The following SPTLC3 variants were observed in gnomAD, a reference collection of about 807,000 sequenced individuals.
SPTLC3 encodes serine palmitoyltransferase long chain base subunit 3.
A neutral mutation model predicts 59.3 loss-of-function variants in SPTLC3; 36 were observed. The observed-to-expected ratio is 0.61, with a 90% CI of 0.47 to 0.80. SPTLC3 has a LOEUF of 0.80. Among genes scored for constraint, SPTLC3 ranks in the 30% least tolerant of loss-of-function variants. SPTLC3 has a pLI of 0.00. For synonymous variants in SPTLC3, 257 were observed against 240.8 expected (o/e 1.07, Z -0.62); for missense variants, 625 against 685.1 (o/e 0.91, Z 0.98).
At chr20:13,103,439 G>A (rs1298452164) in intron 6 of SPTLC3, among the ~76,000 whole-genome samples, 1 of 152,130 alleles carries the variant, frequency 6.6e-6, no homozygotes, top group African/African-American at 2.4e-5. Flanking sequence ...GGGGGGTAAG[G>A]GACTAGGAAC....
At chr20:13,153,552 A>G (rs2038697619) in intron 9 of SPTLC3, among the ~76,000 whole-genome samples, 1 of 152,174 alleles carries the variant, frequency 6.6e-6, no homozygotes, top group Admixed American at 6.5e-5. Flanking sequence ...TTAGAGATTT[A>G]AATGAGGGAC....
chr20:13,026,261 G>A (rs113978170), intron 1 of SPTLC3, among the ~76,000 whole-genome samples: 7,350 of 152,236 alleles, frequency 0.048, 223 homozygotes, highest in South Asian at 0.084. Context: ...GGATTGCTGC[G>A]TTGAGTGGTA....
intron 9 of SPTLC3, among the ~76,000 whole-genome samples, chr20:13,151,433 G>C (rs2038645421): frequency 6.6e-6 from 1 of 152,226 alleles, no homozygotes; most frequent in Admixed American, 6.5e-5. Flanking sequence ...TAGAGGGGCT[G>C]AGATGTCAGC....
intron 1 of SPTLC3, among the ~76,000 whole-genome samples, chr20:13,035,110 C>T (rs6109661): frequency 0.13 from 19,990 of 152,072 alleles, 1,299 homozygotes; most frequent in South Asian, 0.17. Flanking sequence ...GTTCTCACAG[C>T]TGTTCCCTGA....
intron 9 of SPTLC3, among the ~76,000 whole-genome samples, chr20:13,141,961 T>A (rs959361460): frequency 6.6e-6 from 1 of 152,200 alleles, no homozygotes; most frequent in Non-Finnish European, 1.5e-5. Flanking sequence ...CTTACCTACA[T>A]GTGTGACAAC....
chr20:13,080,464 C>T lies in SPTLC3; in HGVS notation c.607+5967C>T, dbSNP rs562047735. 1.5e-3 allele frequency among the ~76,000 whole-genome samples: 221 copies of T among 144,198 alleles called. 1 individual carries two copies. Among genetic ancestry groups the T allele is most frequent in the Non-Finnish European group, 1.8e-3 (122 of 67,062 alleles). The allele number at this position is 144,198 out of a possible 152,430, so 94.6% of individuals were successfully genotyped here. ...CAGAGGTTGCAGTGAGCCGAGATTG[C>T]GCCACTGTACTCCAGCCTCATGACC... On this transcript the variant is annotated intron_variant, in intron 4 of 11. Coordinates refer to ENST00000399002, the MANE Select transcript of SPTLC3 (RefSeq NM_018327.4).
chr20:13,098,266 C>A (rs1989490398), intron 6 of SPTLC3, among the ~76,000 whole-genome samples: 1 of 152,076 alleles, frequency 6.6e-6, no homozygotes, highest in Admixed American at 6.6e-5. Context: ...GGGGTAAAGA[C>A]CATGATATAT....
intron 1 of SPTLC3, among the ~76,000 whole-genome samples, chr20:13,035,215 A>C (rs1488885164): frequency 2.6e-5 from 4 of 152,166 alleles, no homozygotes; most frequent in African/African-American, 9.7e-5. Flanking sequence ...ACTCAATGAG[A>C]CTTGGTTTAG....
At chr20:13,016,046 C>A (rs969478307) in intron 1 of SPTLC3, among the ~76,000 whole-genome samples, 1 of 151,554 alleles carries the variant, frequency 6.6e-6, no homozygotes, top group Non-Finnish European at 1.5e-5. Flanking sequence ...TCATAAAATG[C>A]AATTTTCTGA....
At chr20:13,022,612 G>T (rs149288488) in intron 1 of SPTLC3, among the ~76,000 whole-genome samples, 1 of 152,114 alleles carries the variant, frequency 6.6e-6, no homozygotes, top group East Asian at 1.9e-4. Flanking sequence ...AGGCCAAAGG[G>T]TGAGACAAGC....
At chr20:13,149,691 G>C (rs1005814280) in intron 9 of SPTLC3, among the ~76,000 whole-genome samples, 1 of 152,196 alleles carries the variant, frequency 6.6e-6, no homozygotes, top group Admixed American at 6.5e-5. Flanking sequence ...AAAACATTTA[G>C]TTCTTAGGAG....
chr20:13,156,844 G>T (rs2038779471), intron 10 of SPTLC3, among the ~76,000 whole-genome samples: 1 of 152,152 alleles, frequency 6.6e-6, no homozygotes, highest in African/African-American at 2.4e-5. Context: ...CACCACGGTT[G>T]CATGGCTCTC....
intron 2 of SPTLC3, among the ~76,000 whole-genome samples, chr20:13,071,795 C>A (rs1988446267): frequency 6.6e-6 from 1 of 152,154 alleles, no homozygotes; most frequent in African/African-American, 2.4e-5. Context: ...TTCCATTGGC[C>A]ATGTAACAGC....
chr20:13,021,618 C>A (rs1445565467), intron 1 of SPTLC3, among the ~76,000 whole-genome samples: 2 of 145,354 alleles, frequency 1.4e-5, no homozygotes, highest in African/African-American at 5.0e-5. Context: ...TGCATCCCTG[C>A]ACGTCTCAAG....
At position 13,040,525 on chromosome 20, in the gene SPTLC3, A is replaced by G. The variant is rs6105026; in HGVS notation, c.118-8420A>G. Among the ~76,000 whole-genome samples the G allele has an allele frequency of 5.8e-3, 885 of 152,180 alleles. 11 individuals are homozygous for G. The highest frequency in any genetic ancestry group is 0.02 in the African/African-American group (845 of 41,524). ...AGGCGCAAGCCACCACACCTGGCTA[A>G]TATTTTTGTATTTTAGTAGAGACAG... On this transcript the variant is annotated intron_variant, in intron 1 of 11. Transcript: ENST00000399002.
At chr20:13,111,676 T>C (rs1482971434) in intron 7 of SPTLC3, among the ~76,000 whole-genome samples, 2 of 152,150 alleles carry the variant, frequency 1.3e-5, no homozygotes, top group Non-Finnish European at 2.9e-5. Flanking sequence ...GGGGAGCAAA[T>C]AGCCCTTATC....
intron 6 of SPTLC3, among the ~76,000 whole-genome samples, chr20:13,094,189 T>C (rs138169212): frequency 1.1e-3 from 164 of 152,344 alleles, no homozygotes; most frequent in Middle Eastern, 6.8e-3. Context: ...GGTGGACATC[T>C]GAGTTCTCTC....
At chr20:13,022,447 T>A (rs1345001155) in intron 1 of SPTLC3, among the ~76,000 whole-genome samples, 1 of 152,158 alleles carries the variant, frequency 6.6e-6, no homozygotes, top group Non-Finnish European at 1.5e-5. Context: ...TGGTCAGGAA[T>A]TCAGAAAAGG....
chr20:13,045,806 T>C (rs562863140), intron 1 of SPTLC3, among the ~76,000 whole-genome samples: 1 of 152,232 alleles, frequency 6.6e-6, no homozygotes, highest in South Asian at 2.1e-4. Context: ...AGGGTTTTAT[T>C]TGCATCTAGG....
Sources: gnomAD v4.1 joint callset for allele counts (sites outside exome capture counted in the v4.1 genomes callset) on GRCh38, gnomAD v4.1.1 for gene constraint, MANE v1.5 for transcripts, NCBI Gene and HGNC (gene_info 2026-07-23, HGNC 2026-07-21) for gene names.